The following MFSD6 variants were observed in gnomAD, a reference collection of about 807,000 sequenced individuals.
The protein encoded by MFSD6 is major facilitator superfamily domain-containing protein 6.
A neutral mutation model predicts 56.3 loss-of-function variants in MFSD6; 26 were observed. The observed-to-expected ratio is 0.46, with a 90% confidence interval of 0.34 to 0.64. The LOEUF (loss-of-function observed/expected upper bound fraction) is 0.64, where lower values mean the gene tolerates loss of function less well. MFSD6 is among the 30% of genes least tolerant of loss of function. The pLI is 0.01. For synonymous variants in MFSD6, 331 were observed against 366.9 expected (o/e 0.90, Z 1.12); for missense variants, 750 against 986.2 (o/e 0.76, Z 3.21).
At position 190,417,581 on chromosome 2, in the gene MFSD6, C is replaced by CT. The variant is rs979653079; in HGVS notation, c.-54+2175dup. Reference sequence around the variant, plus strand: ...TTTTTTTGGTTGTTCAAATGAATGTCTTTTTTTCAGTATAATTCCATTGTA... The same window carrying CT: ...TTTTTTTGGTTGTTCAAATGAATGTCTTTTTTTTCAGTATAATTCCATTGTA... On this transcript the variant is annotated intron_variant, in intron 2 of 7. Transcript: ENST00000392328. The surrounding 1 kb of genome is among the most constrained non-coding windows in gnomAD (Gnocchi z 5.7). Among the ~76,000 whole-genome samples the CT allele has an allele frequency of 6.6e-6, 1 of 152,044 alleles. No individual in the cohort carries two copies. Among genetic ancestry groups the CT allele is most frequent in the African/African-American group, 2.4e-5 (1 of 41,378 alleles).
chr2:190,442,356 G>A (rs544718983), intron 3 of MFSD6, among the ~76,000 whole-genome samples: 6 of 152,230 alleles, frequency 3.9e-5, no homozygotes, highest in African/African-American at 1.4e-4. Context: ...GGAAAAAACA[G>A]GAGAGACTGA....
chr2:190,416,505 G>A lies in MFSD6; in HGVS notation c.-54+1092G>A, dbSNP rs1339177254. On this transcript the variant is annotated intron_variant, in intron 2 of 7. Transcript: ENST00000392328. This position sits in a 1 kb window ranked among gnomAD's most constrained non-coding sequence, Gnocchi z 4.1. ...ATATTACAATAGTGTGTTCTCCAGT[G>A]AACCAGTGCCTCACAGGCCCCCATC... 1.3e-5 allele frequency among the ~76,000 whole-genome samples: 2 copies of A among 152,152 alleles called. No individual in the cohort carries two copies. Among genetic ancestry groups the A allele is most frequent in the Non-Finnish European group, 2.9e-5 (2 of 68,032 alleles).
At chr2:190,486,845 T>C (rs1689039101) in intron 4 of MFSD6, among the ~76,000 whole-genome samples, 1 of 152,250 alleles carries the variant, frequency 6.6e-6, no homozygotes, top group African/African-American at 2.4e-5. Context: ...CTATAAAACC[T>C]GTTGTGACAA....
In MFSD6 at chr2:190,469,976, T is replaced by G; in HGVS notation, c.1630+121T>G. 1 of 653,354 alleles carries G rather than the reference T, an allele frequency of 1.5e-6. No homozygotes were observed. 40.5% of individuals were successfully genotyped at this position (653,354 alleles called of 1,614,324 possible). Reference sequence around the variant, plus strand: ...GGCAGGCCTACTGTTTCATGTGATTTTGAAGTGGTTGTTAAGGAAGAGATG... The same window carrying G: ...GGCAGGCCTACTGTTTCATGTGATTGTGAAGTGGTTGTTAAGGAAGAGATG... On this transcript the variant is annotated intron_variant, in intron 4 of 7. Coordinates refer to ENST00000392328, the MANE Select transcript of MFSD6 (RefSeq NM_017694.4). The surrounding 1 kb of genome is among the most constrained non-coding windows in gnomAD (Gnocchi z 5.3).
Position 190,483,171 on chromosome 2 carries a change from C to T in MFSD6, c.1631-5486C>T, listed in dbSNP as rs552187755. On this transcript the variant is annotated intron_variant, in intron 4 of 7. Transcript: ENST00000392328. Reference sequence around the variant, plus strand: ...CCTCCCAAAGTGCTGGGATTACAGGCGTGAGCCACCGCGCCCGGCCGACTA... The same window carrying T: ...CCTCCCAAAGTGCTGGGATTACAGGTGTGAGCCACCGCGCCCGGCCGACTA... Among the ~76,000 whole-genome samples, 269 of 151,324 alleles carry T rather than the reference C, an allele frequency of 1.8e-3. 1 individual carries two copies. The highest frequency in any genetic ancestry group is 2.7e-3 in the Non-Finnish European group (182 of 67,850).
intron 6 of MFSD6, among the ~76,000 whole-genome samples, chr2:190,493,876 G>C (rs1222107939): frequency 2.0e-4 from 30 of 152,128 alleles, no homozygotes. Flanking sequence ...ATGCTAAGGG[G>C]AAAGGTCATA....
In MFSD6 at chr2:190,501,794, C is replaced by T. The variant is rs1690036591; in HGVS notation, c.*1576C>T. 1 of 152,570 alleles carries T rather than the reference C, an allele frequency of 6.6e-6. No homozygotes were observed. Among genetic ancestry groups the T allele is most frequent in the African/African-American group, 2.4e-5 (1 of 41,428 alleles). 9.5% of individuals were successfully genotyped at this position (152,570 alleles called of 1,614,324 possible). ...GAATTCAGCAAATAGTTATTTTTTG[C>T]ACTTGAACTGAAACGTACTGTACTG... On this transcript the variant is annotated 3_prime_UTR_variant, in exon 8 of 8. Transcript: ENST00000392328.
chr2:190,475,790 C>T (rs1338877343), intron 4 of MFSD6, among the ~76,000 whole-genome samples: 2 of 152,194 alleles, frequency 1.3e-5, no homozygotes, highest in African/African-American at 4.8e-5. Context: ...CTGGAGGCAT[C>T]ACACTACCTG....
At position 190,487,913 on chromosome 2, in the gene MFSD6, CTTTTTT is replaced by C. The variant is rs1398219284; in HGVS notation, c.1631-743_1631-738del. 1.3e-5 allele frequency among the ~76,000 whole-genome samples: 2 copies of C among 150,674 alleles called. No individual in the cohort carries two copies. The highest frequency in any genetic ancestry group is 1.9e-4 in the East Asian group (1 of 5,142). ...TACCTAGTCAAAATAATTTTTTTTT[CTTTTTT>C]GAGACAGAATCTTGCTCTGTTGCCA... On this transcript the variant is annotated intron_variant, in intron 4 of 7. Transcript: ENST00000392328. This position sits in a 1 kb window ranked among gnomAD's most constrained non-coding sequence, Gnocchi z 5.5.
At chr2:190,421,717 G>T (rs1321850278) in intron 2 of MFSD6, among the ~76,000 whole-genome samples, 1 of 146,092 alleles carries the variant, frequency 6.8e-6, no homozygotes, top group East Asian at 2.0e-4. Flanking sequence ...CACCATACCT[G>T]GCTAACTTAA....
rs1363740197 is a variant in MFSD6, at chr2:190,467,174, A to G, written c.1533-2584A>G. On this transcript the variant is annotated intron_variant, in intron 3 of 7. Transcript: ENST00000392328. This position sits in a 1 kb window ranked among gnomAD's most constrained non-coding sequence, Gnocchi z 5.5. ...GGGACAGCTTGGAATGAGTTAGACC[A>G]CTGGTTCTCCACCCTGGCTCAGTAA... 6.6e-6 allele frequency among the ~76,000 whole-genome samples: 1 copy of G among 152,336 alleles called. No homozygotes were observed. Among genetic ancestry groups the G allele is most frequent in the East Asian group, 1.9e-4 (1 of 5,190 alleles).
chr2:190,470,455 C>G (rs566126794), intron 4 of MFSD6, among the ~76,000 whole-genome samples: 1 of 152,228 alleles, frequency 6.6e-6, no homozygotes, highest in South Asian at 2.1e-4. Context: ...CTGAAGAGTG[C>G]TGAAAAAATG....
chr2:190,411,407 C>A (rs1160974522), intron 1 of MFSD6: 3 of 866,276 alleles, frequency 3.5e-6, no homozygotes, highest in Non-Finnish European at 4.2e-6. Flanking sequence ...ATTCCCCTGC[C>A]TAGGCCTCCC....
At chr2:190,476,298 A>G (rs201458510) in intron 4 of MFSD6, among the ~76,000 whole-genome samples, 20,337 of 152,100 alleles carry the variant, frequency 0.13, 1,652 homozygotes, top group Middle Eastern at 0.21. Flanking sequence ...AAATTTTTGC[A>G]ATCTACTCAT....
chr2:190,411,449 C>A, intron 1 of MFSD6: 4 of 984,316 alleles, frequency 4.1e-6, no homozygotes, highest in Non-Finnish European at 4.8e-6. Context: ...TGAGCCACTG[C>A]GCCCAGCCGA....
intron 1 of MFSD6, chr2:190,411,462 G>T: frequency 1.0e-6 from 1 of 985,328 alleles, no homozygotes; most frequent in East Asian, 1.1e-4. Flanking sequence ...CCAGCCGACA[G>T]TGGCTATCTT....
At position 190,469,288 on chromosome 2, in the gene MFSD6, T is replaced by G. The variant is rs915749911; in HGVS notation, c.1533-470T>G. Among the ~76,000 whole-genome samples the G allele has an allele frequency of 6.6e-6, 1 of 152,170 alleles. No individual in the cohort carries two copies. The highest frequency in any genetic ancestry group is 1.5e-5 in the Non-Finnish European group (1 of 68,032). ...AAACTGCTTGGTATCTTGGGTATTA[T>G]GAGCAAGGCCACATTCGTGTTTACA... On this transcript the variant is annotated intron_variant, in intron 3 of 7. Transcript: ENST00000392328. This position sits in a 1 kb window ranked among gnomAD's most constrained non-coding sequence, Gnocchi z 5.3.
Position 190,489,725 on chromosome 2 carries a change from C to T in MFSD6, c.1793-43C>T. The T allele has an allele frequency of 6.4e-7, 1 of 1,555,010 alleles. No homozygotes were observed. The highest frequency in any genetic ancestry group is 8.8e-7 in the Non-Finnish European group (1 of 1,132,894). ...GATGGTTTTAGATGAGCGCTATCTG[C>T]ATTTCTTGGAATTACTCTATAGAGT... On this transcript the variant is annotated intron_variant, in intron 5 of 7. Transcript: ENST00000392328. This position sits in a 1 kb window ranked among gnomAD's most constrained non-coding sequence, Gnocchi z 6.6.
At chr2:190,414,655 A>G (rs930390288) in intron 1 of MFSD6, among the ~76,000 whole-genome samples, 7 of 152,228 alleles carry the variant, frequency 4.6e-5, no homozygotes, top group Non-Finnish European at 1.5e-5. Context: ...ATAATTTTTC[A>G]GGAACTCCGG....
Sources: gnomAD v4.1 joint callset for allele counts (sites outside exome capture counted in the v4.1 genomes callset) on GRCh38, gnomAD v4.1.1 for gene constraint, Gnocchi (gnomAD v3.1) non-coding constraint, MANE v1.5 for transcripts, NCBI Gene and HGNC (gene_info 2026-07-23, HGNC 2026-07-21) for gene names.